Variants in ELP3 observed in about 807,000 individuals in gnomAD.
ELP3 encodes the protein elongator complex protein 3.
A neutral mutation model predicts 74.9 loss-of-function variants in ELP3; 56 were observed. That is an observed-to-expected ratio of 0.75 (90% confidence interval 0.60 to 0.93). The LOEUF (loss-of-function observed/expected upper bound fraction) is 0.93, where lower values mean the gene tolerates loss of function less well. Ranked by LOEUF, ELP3 falls within the 40% of genes least tolerant of loss-of-function variation. ELP3 has a pLI of 0.00. For missense variants in ELP3, 573 were observed against 686.5 expected (o/e 0.83, Z 1.85); for synonymous variants, 222 against 239.8 (o/e 0.93, Z 0.68).
chr8:28,119,572 T>TTATATA (rs72105276), intron 7 of ELP3, among the ~76,000 whole-genome samples: 3 of 46,776 alleles, frequency 6.4e-5, no homozygotes, highest in Non-Finnish European at 1.5e-4. Flanking sequence ...TTGTGGCGTT[T>TTATATA]TATATATATA....
At chr8:28,151,846 A>T (rs529957767) in intron 10 of ELP3, among the ~76,000 whole-genome samples, 3 of 152,344 alleles carry the variant, frequency 2.0e-5, no homozygotes, top group African/African-American at 7.2e-5. Context: ...TCTCCCAGCC[A>T]GAAGCAGAAG....
rs190560604 is a variant in ELP3 at position 28,147,635 on chromosome 8, C to T, written c.1101-8307C>T. The stretch of plus-strand genomic sequence containing the variant: ...TTTATATATATAAATATATGTCTCT[C>T]TCTGTGTGTGTATGTGTGTATGCAT... On this transcript the variant is annotated intron_variant, in intron 10 of 14. Transcript: ENST00000256398. The surrounding 1 kb of genome is among the most constrained non-coding windows in gnomAD (Gnocchi z 4.5). 6.6e-6 allele frequency among the ~76,000 whole-genome samples: 1 copy of T among 152,130 alleles called. No individual in the cohort carries two copies. The highest frequency in any genetic ancestry group is 1.5e-5 in the Non-Finnish European group (1 of 68,026).
chr8:28,103,866 A>G (rs993556369), intron 3 of ELP3, among the ~76,000 whole-genome samples: 2 of 152,178 alleles, frequency 1.3e-5, no homozygotes, highest in Non-Finnish European at 2.9e-5. Context: ...AGTAACTGGG[A>G]CAACAGGCAT....
chr8:28,093,316 T>C (rs912952908), intron 1 of ELP3, 83 bp downstream of exon 1: 10 of 1,571,610 alleles, frequency 6.4e-6, no homozygotes, highest in Non-Finnish European at 7.8e-6. Context: ...ACCGAACTTT[T>C]ACCGCGAGAA....
At chr8:28,105,108 A>G (rs1368565921) in intron 3 of ELP3, among the ~76,000 whole-genome samples, 1 of 152,070 alleles carries the variant, frequency 6.6e-6, no homozygotes, top group African/African-American at 2.4e-5. Flanking sequence ...TTGGCCAGAC[A>G]TGGTGGCTCA....
Position 28,133,894 on chromosome 8 carries a change from A to G in ELP3, c.906+1490A>G, listed in dbSNP as rs1812878392. On this transcript the variant is annotated intron_variant, in intron 9 of 14. Coordinates refer to ENST00000256398, the MANE Select transcript of ELP3 (RefSeq NM_018091.6). ...TAGTATCCTCCCCTCAGTAACTAAT[A>G]GCCAGGTGCTCAGACACCAGGCCAA... is the stretch of plus-strand genomic sequence containing the variant. Among the ~76,000 whole-genome samples the G allele has an allele frequency of 2.6e-5, 4 of 152,176 alleles. No homozygotes were observed. In the South Asian group the frequency reaches 6.2e-4, roughly 24 times the overall value.
chr8:28,097,401 A>C, intron 2 of ELP3, 83 bp downstream of exon 2: 1 of 860,470 alleles, frequency 1.2e-6, no homozygotes, highest in Non-Finnish European at 1.8e-6. Context: ...CTTGTTTTCC[A>C]GCTCAAGTTT....
In ELP3 at chr8:28,106,757, C is replaced by T; in HGVS notation, c.303C>T (p.His101=). The change falls in exon 4 of 15, where the codon CAC becomes CAT. Residue 101 remains histidine, a synonymous_variant. Coordinates refer to ENST00000256398, the MANE Select transcript of ELP3 (RefSeq NM_018091.6). ...AVMCKPHRCP[H]ISFTGNICVY... is the part of the protein sequence containing the mutation. Reference sequence around the variant, plus strand: ...TGTGCAAACCCCACAGATGTCCACACATCAGTTTTACAGGAAATATATGTG... The same window carrying T: ...TGTGCAAACCCCACAGATGTCCACATATCAGTTTTACAGGAAATATATGTG... 1 of 1,612,706 alleles carries T rather than the reference C, an allele frequency of 6.2e-7. No homozygotes were observed. The highest frequency in any genetic ancestry group is 8.5e-7 in the Non-Finnish European group (1 of 1,179,640).
chr8:28,167,000 G>A (rs533336344), intron 14 of ELP3, among the ~76,000 whole-genome samples: 1 of 152,166 alleles, frequency 6.6e-6, no homozygotes, highest in African/African-American at 2.4e-5. Context: ...GCCAAGAATC[G>A]TACAAGGCCG....
chr8:28,155,945 T>C lies in ELP3; in HGVS notation c.1104T>C (p.Asp368=). ...PWTRVYRVQR[D]IPMPLVSSGV... ...TATGTTTTTCTCCTGTGTACAGGGA[T>C]ATTCCAATGCCTTTAGTTAGCTCAG... The change falls in exon 11 of 15, where the codon GAT becomes GAC. Residue 368 remains aspartate, a synonymous_variant. Coordinates refer to ENST00000256398, the MANE Select transcript of ELP3 (RefSeq NM_018091.6). 4 of 1,613,226 alleles carry C rather than the reference T, an allele frequency of 2.5e-6. No individual in the cohort carries two copies. The highest frequency in any genetic ancestry group is 3.4e-6 in the Non-Finnish European group (4 of 1,179,212).
upstream of ELP3, among the ~76,000 whole-genome samples, chr8:28,090,904 CT>C (rs71222535): frequency 1.0e-3 from 80 of 77,422 alleles, no homozygotes; most frequent in Non-Finnish European, 1.6e-3. Context: ...TAAATGTTTC[CT>C]TTTTTTTTTT....
intron 7 of ELP3, among the ~76,000 whole-genome samples, chr8:28,125,269 T>C (rs1283233239): frequency 6.6e-6 from 1 of 152,244 alleles, no homozygotes; most frequent in Non-Finnish European, 1.5e-5. Context: ...CGAAAATGAA[T>C]ATTTCATCTC....
intron 10 of ELP3, among the ~76,000 whole-genome samples, chr8:28,146,701 C>T (rs1359046957): frequency 6.6e-6 from 1 of 152,198 alleles, no homozygotes; most frequent in African/African-American, 2.4e-5. Flanking sequence ...GTCCATTGAA[C>T]ATGTTCAGCA....
chr8:28,162,218 T>C, intron 14 of ELP3, 140 bp downstream of exon 14: 1 of 842,262 alleles, frequency 1.2e-6, no homozygotes, highest in Non-Finnish European at 1.9e-6. Flanking sequence ...GAAGGACTTG[T>C]GCTCAAACAA....
intron 10 of ELP3, among the ~76,000 whole-genome samples, chr8:28,144,009 G>A (rs1326454014): frequency 6.6e-6 from 1 of 152,036 alleles, no homozygotes; most frequent in Non-Finnish European, 1.5e-5. Context: ...ATTTAATTAA[G>A]GGTATTAATT....
chr8:28,152,009 C>T (rs1813659058), intron 10 of ELP3, among the ~76,000 whole-genome samples: 1 of 152,096 alleles, frequency 6.6e-6, no homozygotes, highest in South Asian at 2.1e-4. Context: ...GTTTTCTTAC[C>T]TTAGTGTTGG....
intron 7 of ELP3, among the ~76,000 whole-genome samples, chr8:28,115,657 T>G (rs186361411): frequency 2.5e-4 from 38 of 152,310 alleles, no homozygotes; most frequent in Middle Eastern, 3.4e-3. Context: ...CACAGAGAGA[T>G]AAGCAATTTG....
At chr8:28,169,843 T>G (rs1814449605) in intron 14 of ELP3, among the ~76,000 whole-genome samples, 1 of 152,108 alleles carries the variant, frequency 6.6e-6, no homozygotes, top group Non-Finnish European at 1.5e-5. Context: ...TGTGCACTTT[T>G]TGGCAGGCAT....
upstream of ELP3, chr8:28,090,482 G>GGTGTGTGTGTGT (rs34145175): frequency 8.2e-3 from 1,308 of 160,280 alleles, 14 homozygotes; most frequent in East Asian, 0.032. Context: ...CTGATGGGTG[G>GGTGTGTGTGTGT]GTGTGTGTGT....
Sources: gnomAD v4.1 joint callset for allele counts (sites outside exome capture counted in the v4.1 genomes callset) on GRCh38, gnomAD v4.1.1 for gene constraint, Gnocchi (gnomAD v3.1) non-coding constraint, MANE v1.5 for transcripts, NCBI Gene and HGNC (gene_info 2026-07-23, HGNC 2026-07-21) for gene names.